Variants in MPP7 observed in about 807,000 individuals in gnomAD.
MPP7 encodes the protein MAGUK p55 scaffold protein 7.
Under a neutral mutation model 76.5 loss-of-function variants are expected in MPP7, and 60 were observed. The ratio of observed to expected loss-of-function variants is 0.78; its 90% confidence interval spans 0.64 to 0.97. The LOEUF is 0.97. Among genes scored for constraint, MPP7 ranks in the 50% least tolerant of loss-of-function variants. The pLI is 0.00. For synonymous variants in MPP7, 237 were observed against 244.5 expected (o/e 0.97, Z 0.29); for missense variants, 641 against 694.0 (o/e 0.92, Z 0.86).
chr10:28,252,821 C>A (rs1839657371), intron 1 of MPP7, among the ~76,000 whole-genome samples: 1 of 152,152 alleles, frequency 6.6e-6, no homozygotes, highest in African/African-American at 2.4e-5. Context: ...CCATTTCTGA[C>A]ATCCACGTGT....
At chr10:28,068,965 T>C (rs7904206) in intron 13 of MPP7, among the ~76,000 whole-genome samples, 45,533 of 152,134 alleles carry the variant, frequency 0.3, 9,288 homozygotes, top group East Asian at 0.95. Flanking sequence ...CCTTTAACCA[T>C]TTTTGCCTTG....
In MPP7 at chr10:28,053,899, C is replaced by T. The variant is rs966658466; in HGVS notation, c.*166G>A. 6 of 626,582 alleles carry T rather than the reference C, an allele frequency of 9.6e-6. No homozygotes were observed. Among genetic ancestry groups the T allele is most frequent in the South Asian group, 8.1e-5 (4 of 49,476 alleles). The allele number at this position is 626,582 out of a possible 1,614,324, so 38.8% of individuals were successfully genotyped here. On this transcript the variant is annotated 3_prime_UTR_variant, in exon 17 of 17. Coordinates refer to ENST00000683449, the MANE Select transcript of MPP7 (RefSeq NM_001318170.2). ...TTTCGGATCTTATACTAACACATGG[C>T]GTTTGAAATAAGGCTGTAAAAAGAT...
At chr10:28,169,932 G>A (rs1007280234) in intron 3 of MPP7, among the ~76,000 whole-genome samples, 5 of 152,028 alleles carry the variant, frequency 3.3e-5, no homozygotes, top group South Asian at 2.1e-4. Context: ...ATCTTGCAAC[G>A]GTGACTAGGA....
chr10:28,161,044 C>T (rs1026334906), intron 3 of MPP7, among the ~76,000 whole-genome samples: 1 of 152,146 alleles, frequency 6.6e-6, no homozygotes, highest in African/African-American at 2.4e-5. Context: ...CCACCGTTAG[C>T]GCATTTAAAC....
intron 12 of MPP7, among the ~76,000 whole-genome samples, chr10:28,074,901 G>A (rs1852415867): frequency 6.6e-6 from 1 of 151,962 alleles, no homozygotes; most frequent in Admixed American, 6.6e-5. Flanking sequence ...TCACACATTA[G>A]TCTGTTCTCA....
At chr10:28,198,638 T>C (rs1227577983) in intron 3 of MPP7, among the ~76,000 whole-genome samples, 1 of 150,022 alleles carries the variant, frequency 6.7e-6, no homozygotes, top group Non-Finnish European at 1.5e-5. Context: ...TTTTGTGCCA[T>C]ATCTTGTTCT....
At chr10:28,330,938 G>A (rs938465209) in intron 1 of MPP7, among the ~76,000 whole-genome samples, 1 of 152,080 alleles carries the variant, frequency 6.6e-6, no homozygotes, top group Non-Finnish European at 1.5e-5. Context: ...CAGTATTACA[G>A]GTGTTAGCCA....
At chr10:28,237,016 C>T (rs992088620) in intron 2 of MPP7, 2 of 152,156 alleles carry the variant, frequency 1.3e-5, no homozygotes, top group African/African-American at 2.4e-5. Flanking sequence ...TGCACTGCAG[C>T]GAGCTGGCTG....
chr10:28,207,008 AT>A (rs1837969612), intron 2 of MPP7, among the ~76,000 whole-genome samples: 1 of 152,182 alleles, frequency 6.6e-6, no homozygotes, highest in Admixed American at 6.5e-5. Context: ...AAAATTTTGA[AT>A]TTAGGTTATA....
intron 1 of MPP7, among the ~76,000 whole-genome samples, chr10:28,271,637 T>C (rs929690510): frequency 3.9e-5 from 6 of 152,138 alleles, no homozygotes; most frequent in African/African-American, 1.4e-4. Flanking sequence ...CATAGATATA[T>C]AGACAGATGC....
intron 2 of MPP7, among the ~76,000 whole-genome samples, chr10:28,223,618 T>G (rs1838592870): frequency 6.6e-6 from 1 of 152,188 alleles, no homozygotes; most frequent in Non-Finnish European, 1.5e-5. Flanking sequence ...ACAATTATAT[T>G]GAGCCATACA....
chr10:28,167,819 G>T (rs568475270), intron 3 of MPP7, among the ~76,000 whole-genome samples: 7 of 152,114 alleles, frequency 4.6e-5, no homozygotes, highest in Non-Finnish European at 8.8e-5. Flanking sequence ...TAACATAAAA[G>T]TTGTTCCACA....
intron 16 of MPP7, 114 bp downstream of exon 16, chr10:28,056,366 C>T (rs1050856136): frequency 9.1e-7 from 1 of 1,102,902 alleles, no homozygotes; most frequent in Admixed American, 2.6e-5. Flanking sequence ...ACCACCTTGG[C>T]CAGGCTGGTC....
At chr10:28,219,194 A>AAT (rs1284922329) in intron 2 of MPP7, among the ~76,000 whole-genome samples, 2 of 152,202 alleles carry the variant, frequency 1.3e-5, no homozygotes, top group African/African-American at 4.8e-5. Flanking sequence ...ATTCAATGCT[A>AAT]AAATGTGACA....
At chr10:28,199,846 T>C (rs1837711348) in intron 3 of MPP7, among the ~76,000 whole-genome samples, 1 of 150,974 alleles carries the variant, frequency 6.6e-6, no homozygotes. Context: ...GGCCTCGGAT[T>C]ACAGGTGTGA....
At chr10:28,314,097 T>G (rs151058907) in intron 2 of MPP7, among the ~76,000 whole-genome samples, 2,326 of 152,250 alleles carry the variant, frequency 0.015, 68 homozygotes, top group African/African-American at 0.053. Flanking sequence ...CCACACTATT[T>G]GATTTTTCTT....
At chr10:28,275,741 T>C (rs980013431) in intron 1 of MPP7, among the ~76,000 whole-genome samples, 10 of 151,768 alleles carry the variant, frequency 6.6e-5, no homozygotes, top group Non-Finnish European at 1.2e-4. Flanking sequence ...TCTTCTTCCC[T>C]ACATCTGCAT....
rs1283465115 is a variant in MPP7, at chr10:28,313,887, G to T, written c.-132+16042C>A. 6.1e-4 allele frequency among the ~76,000 whole-genome samples: 52 copies of T among 85,340 alleles called. 1 individual carries two copies. Among genetic ancestry groups the T allele is most frequent in the East Asian group, 1.5e-3 (4 of 2,710 alleles). 56.0% of individuals were successfully genotyped at this position (85,340 alleles called of 152,430 possible). ...TTTTTATTTTTTTTATTTTTTTTTG[G>T]TAGAGACAGGGTTTTGCCATGTTGC... On this transcript the variant is annotated intron_variant, in intron 2 of 11. Transcript: ENST00000441595.
intron 2 of MPP7, among the ~76,000 whole-genome samples, chr10:28,214,595 T>C (rs1838248742): frequency 6.6e-6 from 1 of 152,186 alleles, no homozygotes; most frequent in Admixed American, 6.5e-5. Flanking sequence ...GCCGTGACGA[T>C]GAAACCGCCT....
Sources: gnomAD v4.1 joint callset for allele counts (sites outside exome capture counted in the v4.1 genomes callset) on GRCh38, gnomAD v4.1.1 for gene constraint, MANE v1.5 for transcripts, NCBI Gene and HGNC (gene_info 2026-07-23, HGNC 2026-07-21) for gene names.